The following C3 variants were observed in gnomAD, a reference collection of about 807,000 sequenced individuals.
C3 encodes complement C3, also known as C3 and PZP-like alpha-2-macroglobulin domain-containing protein 1.
C3 carries 97 observed loss-of-function variants against 207.9 expected under a neutral mutation model. That is an observed-to-expected ratio of 0.47 (90% CI 0.40 to 0.55). The LOEUF (loss-of-function observed/expected upper bound fraction) is 0.55, where lower values mean the gene tolerates loss of function less well. Among genes scored for constraint, C3 ranks in the 20% least tolerant of loss-of-function variants. The pLI, the probability that C3 is intolerant of heterozygous loss-of-function variation, is 0.00. For synonymous variants in C3, 848 were observed against 857.6 expected (o/e 0.99, Z 0.20); for missense variants, 1,684 against 2,171.7 (o/e 0.78, Z 4.46).
intron 35 of C3, 78 bp from the exon 36 acceptor site, chr19:6,680,341 G>A: frequency 1.2e-6 from 1 of 800,252 alleles, no homozygotes; most frequent in Non-Finnish European, 2.3e-6. Context: ...TGAGGCAGTG[G>A]TGGAGAAACT....
Position 6,677,994 on chromosome 19 carries a change from C to G in C3, c.4880G>C (p.Trp1627Ser). The change falls in exon 41 of 41, where the codon TGG (tryptophan) becomes TCG (serine). Residue 1627 changes from tryptophan to serine, a missense_variant. This residue lies in a region of C3 where 346 missense variants were observed against 380.1 expected (regional missense o/e 0.91). Coordinates refer to ENST00000245907, the MANE Select transcript of C3 (RefSeq NM_000064.4). ...GTCCTCCTCGGGCCAGTGCTCCACC[C>G]AAGTGTCCTTCCCGATGATGTAGCT... ...NLSYIIGKDT[W>S]VEHWPEEDEC... 1 of 1,614,120 alleles carries G rather than the reference C, an allele frequency of 6.2e-7. No individual in the cohort carries two copies. Among genetic ancestry groups the G allele is most frequent in the Non-Finnish European group, 8.5e-7 (1 of 1,180,036 alleles).
rs1349239394 is a variant in C3, at chr19:6,712,418, G to T, written c.1120-12C>A. The T allele has an allele frequency of 6.2e-7, 1 of 1,614,072 alleles. No homozygotes were observed. The highest frequency in any genetic ancestry group is 1.3e-5 in the African/African-American group (1 of 74,940). ...TTCGTCACGAACACCTGTGATGTGG[G>T]GTGCAGGTGGGGGAAGTTCAGGCAG... On this transcript the variant is annotated splice_polypyrimidine_tract_variant and intron_variant, in intron 10 of 40. Coordinates refer to ENST00000245907, the MANE Select transcript of C3 (RefSeq NM_000064.4).
intron 19 of C3, among the ~76,000 whole-genome samples, chr19:6,700,502 T>C (rs1231237597): frequency 2.6e-5 from 1 of 38,144 alleles, no homozygotes; most frequent in African/African-American, 1.8e-4. Flanking sequence ...TGATATATTA[T>C]ATATGTAATA....
intron 19 of C3, among the ~76,000 whole-genome samples, chr19:6,700,631 T>C (rs1393198491): frequency 2.0e-5 from 1 of 49,328 alleles, no homozygotes; most frequent in Non-Finnish European, 3.1e-5. Context: ...TAATATATGA[T>C]ATATTATATA....
In C3 at chr19:6,710,688, A is replaced by G. The variant is rs1555686673; in HGVS notation, c.1637T>C (p.Val546Ala). The G allele has an allele frequency of 1.2e-6, 2 of 1,613,066 alleles. No individual in the cohort carries two copies. Among genetic ancestry groups the G allele is most frequent in the Non-Finnish European group, 1.7e-6 (2 of 1,179,908 alleles). The part of the protein sequence containing the change: ...TLIGASGQRE[V>A]VADSVWVDVK... The stretch of plus-strand genomic sequence containing the variant: ...GTCCACCCACACGGAGTCGGCCACC[A>G]CCTCCCTCTGGCCGCTGGCACCGAT... Residue 546 changes from valine (V) to alanine (A), a missense_variant, in exon 13 of 41, where the codon GTG (valine) becomes GCG (alanine). Around this residue, in one of 3 missense-constraint regions of C3, gnomAD observed 1,280 missense variants for 1,739.1 expected, o/e 0.74. Transcript: ENST00000245907.
intron 14 of C3, 119 bp downstream of exon 14, chr19:6,709,565 G>T (rs781513813): frequency 5.2e-6 from 6 of 1,146,532 alleles, no homozygotes; most frequent in East Asian, 2.3e-5. Context: ...GGTCTGCTCC[G>T]ATCTCTGCTT....
chr19:6,695,502 C>T (rs1251057527), intron 23 of C3, among the ~76,000 whole-genome samples: 3 of 151,968 alleles, frequency 2.0e-5, no homozygotes, highest in Non-Finnish European at 2.9e-5. Flanking sequence ...TTGTTTGAGA[C>T]AAAGTCTTGC....
rs1568215447 is a variant in C3 at position 6,693,491 on chromosome 19, CAGAGA to C, written c.3155-9_3155-5del. The C allele has an allele frequency of 1.9e-6, 3 of 1,610,578 alleles. No individual in the cohort carries two copies. Among genetic ancestry groups the C allele is most frequent in the Non-Finnish European group, 1.7e-6 (2 of 1,179,044 alleles). ...AAGGCCAGCTGCTGGGTGTACCCTG[CAGAGA>C]AGAGAGAGGAACCCCCAAAAGAGCC... On this transcript the variant is annotated splice_polypyrimidine_tract_variant and splice_region_variant and intron_variant, in intron 24 of 40. Coordinates refer to ENST00000245907, the MANE Select transcript of C3 (RefSeq NM_000064.4).
intron 4 of C3, chr19:6,717,502 GTGTTGTGTGGTCGTGTA>G (rs1968055979): frequency 4.5e-6 from 1 of 224,478 alleles, no homozygotes; most frequent in African/African-American, 2.4e-5. Context: ...TGTGTGCACT[GTGTTGTGTGGTCGTGTA>G]TGTTGTGTGG....
rs1410224719 is a variant in C3, at chr19:6,710,993, G to C, written c.1473C>G (p.Thr491=). 6.2e-7 allele frequency: 1 copy of C among 1,614,044 alleles called. No individual in the cohort carries two copies. The highest frequency in any genetic ancestry group is 8.5e-7 in the Non-Finnish European group (1 of 1,179,924). ...TTTCCAGGTGGCCACGGACCAGGTA[G>C]GTGTAGTAGCGGATCTTGGCCTCGT... ...RAHEAKIRYY[T]YLIMNKGRLL... Residue 491 remains threonine, a synonymous_variant, in exon 12 of 41, where the codon ACC becomes ACG. Coordinates refer to ENST00000245907, the MANE Select transcript of C3 (RefSeq NM_000064.4).
rs1442345082 is a variant in C3 at position 6,720,545 on chromosome 19, G to C, written c.45C>G (p.Thr15=). 6.3e-7 allele frequency: 1 copy of C among 1,594,388 alleles called. No homozygotes were observed. The highest frequency in any genetic ancestry group is 1.8e-5 in the Admixed American group (1 of 56,812). The part of the protein sequence containing the change: ...SGPSLLLLLL[T]HLPLALGSPM... ...GACTCCCCAGAGCCAGGGGGAGGTG[G>C]GTTAGTAGCAGGAGCAGCAGGCTGG... Residue 15 remains threonine, a synonymous_variant, in exon 1 of 41, where the codon ACC becomes ACG. Coordinates refer to ENST00000245907, the MANE Select transcript of C3 (RefSeq NM_000064.4).
chr19:6,683,848 A>G (rs1370575567), intron 33 of C3, among the ~76,000 whole-genome samples: 1 of 152,234 alleles, frequency 6.6e-6, no homozygotes, highest in Non-Finnish European at 1.5e-5. Context: ...TGATCCCAAA[A>G]CTTTGGCAGC....
intron 21 of C3, among the ~76,000 whole-genome samples, chr19:6,697,049 TAAACAAAC>T (rs1568217197): frequency 1.2e-4 from 11 of 91,524 alleles, no homozygotes; most frequent in Admixed American, 5.2e-4. Context: ...CTCAAAAAAA[TAAACAAAC>T]AAATAAATAA....
At chr19:6,711,683 T>A (rs1599523496) in intron 11 of C3, among the ~76,000 whole-genome samples, 1 of 151,994 alleles carries the variant, frequency 6.6e-6, no homozygotes, top group Non-Finnish European at 1.5e-5. Flanking sequence ...GTAAGTGGGG[T>A]GCGCAGCCTG....
In C3 at chr19:6,691,999, CACACACACACA is replaced by C. The variant is rs1568214766; in HGVS notation, c.3390+914_3390+924del. Among the ~76,000 whole-genome samples, 1,011 of 141,550 alleles carry C rather than the reference CACACACACACA, an allele frequency of 7.1e-3. 13 individuals carry two copies. Among genetic ancestry groups the C allele is most frequent in the African/African-American group, 0.028 (973 of 34,666 alleles). The allele number at this position is 141,550 out of a possible 152,430, so 92.9% of individuals were successfully genotyped here. ...CAAAACTCCATCTCAAACACACACA[CACACACACACA>C]CACACACACACACACACACACACAC... On this transcript the variant is annotated intron_variant, in intron 26 of 40. Coordinates refer to ENST00000245907, the MANE Select transcript of C3 (RefSeq NM_000064.4).
Position 6,712,114 on chromosome 19 carries a change from G to T in C3, c.1269+143C>A. 2 of 1,042,644 alleles carry T rather than the reference G, an allele frequency of 1.9e-6. 1 individual carries two copies. Among genetic ancestry groups the T allele is most frequent in the East Asian group, 5.0e-5 (2 of 40,046 alleles). 64.6% of individuals were successfully genotyped at this position (1,042,644 alleles called of 1,614,324 possible). The stretch of plus-strand genomic sequence containing the variant: ...CAGATGAGAGTATCTCTATGCAAAT[G>T]GCAGGACCCCTCTGCGCAGGAGAGA... On this transcript the variant is annotated intron_variant, in intron 11 of 40. Coordinates refer to ENST00000245907, the MANE Select transcript of C3 (RefSeq NM_000064.4).
intron 14 of C3, among the ~76,000 whole-genome samples, chr19:6,708,862 T>G (rs1344659720): frequency 1.3e-5 from 2 of 151,864 alleles, no homozygotes. Context: ...ATTTTAAAAT[T>G]TTTTCTGTAG....
intron 4 of C3, chr19:6,717,244 C>A (rs1412889034): frequency 6.5e-6 from 1 of 153,676 alleles, no homozygotes; most frequent in Non-Finnish European, 1.4e-5. Context: ...TGGCTGCCGT[C>A]GGTAGAATAG....
Position 6,678,358 on chromosome 19 carries a change from G to T in C3, c.4714+14C>A, listed in dbSNP as rs770608025. Reference sequence around the variant, plus strand: ...CCAGGGAAGAGCCACGGGAGGCAGCGTGCTGAGCCTGACCTGACTTGATGG... The same window carrying T: ...CCAGGGAAGAGCCACGGGAGGCAGCTTGCTGAGCCTGACCTGACTTGATGG... On this transcript the variant is annotated intron_variant, in intron 39 of 40. Transcript: ENST00000245907. The T allele has an allele frequency of 1.9e-6, 3 of 1,614,144 alleles. No individual in the cohort carries two copies. Among genetic ancestry groups the T allele is most frequent in the East Asian group, 2.2e-5 (1 of 44,882 alleles).
Sources: gnomAD v4.1 joint callset for allele counts (sites outside exome capture counted in the v4.1 genomes callset) on GRCh38, gnomAD v4.1.1 for gene constraint, gnomAD v4.1.1 regional missense constraint, MANE v1.5 for transcripts, NCBI Gene and HGNC (gene_info 2026-07-23, HGNC 2026-07-21) for gene names.